TM6SF1: variants seen among roughly 807,000 people sequenced by gnomAD.
The protein encoded by TM6SF1 is transmembrane 6 superfamily member 1.
Under a neutral mutation model 47.1 loss-of-function variants are expected in TM6SF1, and 43 were observed. That is an observed-to-expected ratio of 0.91 (90% CI 0.72 to 1.18). The LOEUF (loss-of-function observed/expected upper bound fraction) is 1.18, where lower values mean the gene tolerates loss of function less well. TM6SF1 is among the 50% of genes most tolerant of loss of function. The pLI is 0.00. For synonymous variants in TM6SF1, 177 were observed against 166.3 expected (o/e 1.06, Z -0.49); for missense variants, 390 against 449.0 (o/e 0.87, Z 1.19).
chr15:83,122,987 A>C, intron 6 of TM6SF1, 109 bp downstream of exon 6: 1 of 1,265,946 alleles, frequency 7.9e-7, no homozygotes. Context: ...CATTTGGGGC[A>C]TCCAAACAGT....
intron 3 of TM6SF1, among the ~76,000 whole-genome samples, chr15:83,116,798 T>G (rs2034705783): frequency 6.6e-6 from 1 of 152,136 alleles, no homozygotes; most frequent in Non-Finnish European, 1.5e-5. Context: ...TGAATAAGAC[T>G]TGGGGACAAA....
At chr15:83,108,715 T>C (rs752421749) in intron 1 of TM6SF1, among the ~76,000 whole-genome samples, 1 of 152,196 alleles carries the variant, frequency 6.6e-6, no homozygotes, top group Non-Finnish European at 1.5e-5. Flanking sequence ...CTGTTGGTGC[T>C]AAGGAAATTG....
rs778397685 is a variant in TM6SF1 at position 83,136,721 on chromosome 15, C to T, written c.*49C>T. On this transcript the variant is annotated 3_prime_UTR_variant, in exon 10 of 10. Transcript: ENST00000322019. Reference sequence around the variant, plus strand: ...TTCTAAATTACTAACTTTTGTTATACTGGTACTGATATTTTGTCCCATTTC... The same window carrying T: ...TTCTAAATTACTAACTTTTGTTATATTGGTACTGATATTTTGTCCCATTTC... 2.0e-6 allele frequency: 3 copies of T among 1,474,538 alleles called. No homozygotes were observed. The highest frequency in any genetic ancestry group is 1.3e-5 in the South Asian group (1 of 77,092). The allele number at this position is 1,474,538 out of a possible 1,614,324, so 91.3% of individuals were successfully genotyped here. A position where few individuals can be genotyped will look rare whatever the true frequency, so the allele number is the denominator to read the frequency against.
chr15:83,123,002 C>G, intron 6 of TM6SF1, 124 bp downstream of exon 6: 1 of 1,092,690 alleles, frequency 9.2e-7, no homozygotes, highest in Non-Finnish European at 1.3e-6. Context: ...AACAGTGCGA[C>G]TGTTTTGATT....
chr15:83,123,460 C>T (rs2035455554), intron 6 of TM6SF1, among the ~76,000 whole-genome samples: 1 of 152,138 alleles, frequency 6.6e-6, no homozygotes, highest in Non-Finnish European at 1.5e-5. Flanking sequence ...GCTAGTTTCT[C>T]TCTGTTTCTT....
intron 9 of TM6SF1, chr15:83,128,311 A>G (rs889747795): frequency 6.6e-6 from 1 of 152,356 alleles, no homozygotes; most frequent in South Asian, 2.1e-4. Context: ...TAAGGGGTCA[A>G]TGCATTAAAT....
rs754201529 is a variant in TM6SF1, at chr15:83,126,780, T to C, written c.734T>C (p.Leu245Pro). The change falls in exon 8 of 10, where the codon CTC (leucine) becomes CCC (proline). Residue 245 changes from leucine to proline, a missense_variant. Physicochemically the swap from Leu to Pro is moderately conservative, Grantham distance 98 (BLOSUM62 -3). Transcript: ENST00000322019. ...ATTGCTTTGGATTGCCCATCTGAGC[T>C]CTGCCGATTATATACGCAATTTCAA... ...GLIALDCPSE[L>P]CRLYTQFQEP... The C allele has an allele frequency of 6.2e-7, 1 of 1,613,834 alleles. No individual in the cohort carries two copies. The highest frequency in any genetic ancestry group is 1.7e-5 in the Admixed American group (1 of 59,998).
chr15:83,108,819 C>T (rs901601594), intron 1 of TM6SF1, among the ~76,000 whole-genome samples: 4 of 152,220 alleles, frequency 2.6e-5, no homozygotes, highest in African/African-American at 9.7e-5. Context: ...GCTGCCTGGC[C>T]GCCTGATACA....
intron 5 of TM6SF1, 69 bp downstream of exon 5, chr15:83,122,072 G>A: frequency 8.1e-7 from 1 of 1,240,406 alleles, no homozygotes; most frequent in Admixed American, 2.0e-5. Context: ...AAATAGAGAA[G>A]CTCTTTTAGT....
intron 9 of TM6SF1, 49 bp from the exon 10 acceptor site, chr15:83,136,432 A>G: frequency 6.6e-7 from 1 of 1,511,544 alleles, no homozygotes; most frequent in Middle Eastern, 1.8e-4. Flanking sequence ...CATGCATCCA[A>G]CTGAACACGT....
chr15:83,126,793 T>A lies in TM6SF1; in HGVS notation c.747T>A (p.Tyr249Ter), dbSNP rs758556252. The change falls in exon 8 of 10, where the codon TAT becomes TAA. Residue 249 changes from tyrosine (Y) to a stop codon, truncating the protein, a stop_gained. Transcript: ENST00000322019. LOFTEE classifies it high-confidence loss of function. ...LDCPSELCRL[Y>*]TQFQEPYLKD... ...GCCCATCTGAGCTCTGCCGATTATA[T>A]ACGCAATTTCAAGAGCCCTATCTAA... 7 of 1,614,070 alleles carry A rather than the reference T, an allele frequency of 4.3e-6. No individual in the cohort carries two copies. The highest frequency in any genetic ancestry group is 5.9e-6 in the Non-Finnish European group (7 of 1,179,972).
At chr15:83,122,920 T>C (rs2151366134) in intron 6 of TM6SF1, 42 bp downstream of exon 6, 5 of 1,607,264 alleles carry the variant, frequency 3.1e-6, no homozygotes, top group South Asian at 2.2e-5. Flanking sequence ...CTCAAACTCA[T>C]AGGGTTCTTT....
intron 6 of TM6SF1, 52 bp from the exon 7 acceptor site, chr15:83,124,620 G>T: frequency 7.2e-7 from 1 of 1,395,664 alleles, no homozygotes; most frequent in East Asian, 2.3e-5. Flanking sequence ...TCAGATTTCA[G>T]ATTCTTCTTT....
intron 9 of TM6SF1, chr15:83,130,850 G>A (rs1165234108): frequency 1.3e-5 from 2 of 152,218 alleles, no homozygotes; most frequent in Non-Finnish European, 2.9e-5. Context: ...CAGCACTTTG[G>A]GAGCCCGAGG....
chr15:83,112,755 T>G, intron 1 of TM6SF1, 42 bp from the exon 2 acceptor site: 1 of 1,417,046 alleles, frequency 7.1e-7, no homozygotes, highest in Non-Finnish European at 1.0e-6. Flanking sequence ...CACCAATGTG[T>G]TTATTTTGAT....
intron 6 of TM6SF1, 40 bp from the exon 7 acceptor site, chr15:83,124,632 G>A: frequency 6.7e-7 from 1 of 1,493,836 alleles, no homozygotes; most frequent in Non-Finnish European, 9.2e-7. Flanking sequence ...TTCTTCTTTG[G>A]CACTTTGGGC....
At chr15:83,128,137 G>A (rs928142367) in intron 9 of TM6SF1, 11 of 152,262 alleles carry the variant, frequency 7.2e-5, no homozygotes, top group African/African-American at 2.6e-4. Flanking sequence ...TAAAACAAAT[G>A]AACTTATCAT....
Position 83,126,810 on chromosome 15 carries a change from C to T in TM6SF1, c.764C>T (p.Pro255Leu). The change falls in exon 8 of 10, where the codon CCC (proline) becomes CTC (leucine). Residue 255 changes from proline (P) to leucine (L), a missense_variant. Pro to Leu is a moderately conservative substitution (Grantham distance 98). Coordinates refer to ENST00000322019, the MANE Select transcript of TM6SF1 (RefSeq NM_023003.5). ...LCRLYTQFQE[P>L]YLKDPAAYPK... ...CGATTATATACGCAATTTCAAGAGC[C>T]CTATCTAAAGGATCCTGCTGCTTAT... The T allele has an allele frequency of 6.2e-7, 1 of 1,613,852 alleles. No individual in the cohort carries two copies. Among genetic ancestry groups the T allele is most frequent in the Non-Finnish European group, 8.5e-7 (1 of 1,179,904 alleles).
intron 6 of TM6SF1, among the ~76,000 whole-genome samples, chr15:83,123,784 CAG>C (rs2035480066): frequency 6.6e-6 from 1 of 152,288 alleles, no homozygotes; most frequent in Admixed American, 6.5e-5. Flanking sequence ...GGTTCCATGT[CAG>C]TGTGTCAACA....
Sources: allele counts gnomAD v4.1 joint callset (sites outside exome capture counted in the v4.1 genomes callset), GRCh38; gene constraint gnomAD v4.1.1; transcripts MANE v1.5; gene names NCBI Gene and HGNC (gene_info 2026-07-23, HGNC 2026-07-21).